Variants in SPRYD7 observed in about 807,000 individuals in gnomAD.
SPRYD7 encodes the protein SPRY domain containing 7.
Under a neutral mutation model 23.8 loss-of-function variants are expected in SPRYD7, and 14 were observed. The observed-to-expected ratio is 0.59, with a 90% CI of 0.39 to 0.92. The LOEUF is 0.92. SPRYD7 is among the 40% of genes least tolerant of loss of function. The probability of loss-of-function intolerance (pLI) is 0.00; values close to 1 mark genes in which losing one functional copy is unlikely to be tolerated. For synonymous variants in SPRYD7, 75 were observed against 84.9 expected (o/e 0.88, Z 0.64); for missense variants, 194 against 241.7 (o/e 0.80, Z 1.31).
In SPRYD7 at chr13:49,931,034, G is replaced by T. The variant is rs1157922959; in HGVS notation, c.207C>A (p.Phe69Leu). Reference sequence around the variant, plus strand: ...TATACCAACCTGTGGACTGGATTTTGAATTCAAAATAGCTTTTGTTTTGAT... The same window carrying T: ...TATACCAACCTGTGGACTGGATTTTTAATTCAAAATAGCTTTTGTTTTGAT... ...PLHQNKSYFEFKIQSTGIWGI... is the reference protein window; with the variant it reads ...PLHQNKSYFELKIQSTGIWGI... Residue 69 changes from phenylalanine (F) to leucine (L), a missense_variant, in exon 2 of 5, where the codon TTC becomes TTA. Physicochemically the swap from Phe to Leu is conservative, Grantham distance 22. Transcript: ENST00000361840. 3.1e-6 allele frequency: 5 copies of T among 1,610,930 alleles called. No homozygotes were observed. The highest frequency in any genetic ancestry group is 1.1e-5 in the South Asian group (1 of 90,660).
intron 3 of SPRYD7, among the ~76,000 whole-genome samples, chr13:49,922,627 A>C (rs913796652): frequency 1.2e-4 from 19 of 152,224 alleles, no homozygotes; most frequent in Non-Finnish European, 1.8e-4. Flanking sequence ...ACTTGCTCTT[A>C]ATCACCATAT....
At chr13:49,919,126 T>C (rs1206996524) in intron 4 of SPRYD7, among the ~76,000 whole-genome samples, 1 of 151,736 alleles carries the variant, frequency 6.6e-6, no homozygotes, top group Non-Finnish European at 1.5e-5. Flanking sequence ...AAGTTGATAA[T>C]ACAAAATAGG....
chr13:49,925,509 T>C (rs992260618), intron 3 of SPRYD7, among the ~76,000 whole-genome samples: 3 of 151,208 alleles, frequency 2.0e-5, no homozygotes, highest in African/African-American at 7.3e-5. Context: ...TTTTCAGAAT[T>C]ATATGTATAA....
intron 1 of SPRYD7, among the ~76,000 whole-genome samples, chr13:49,933,475 G>A (rs934524602): frequency 6.6e-6 from 1 of 151,954 alleles, no homozygotes; most frequent in African/African-American, 2.4e-5. Flanking sequence ...GGTGGTGGGC[G>A]CCTATAGTCC....
chr13:49,918,210 G>A (rs1180701269), intron 4 of SPRYD7, among the ~76,000 whole-genome samples: 6 of 151,930 alleles, frequency 3.9e-5, no homozygotes, highest in African/African-American at 9.7e-5. Context: ...CTACAGGCAC[G>A]TACAACCACA....
At position 49,928,029 on chromosome 13, in the gene SPRYD7, C is replaced by A; in HGVS notation, c.280G>T (p.Gly94Cys). The A allele has an allele frequency of 6.2e-7, 1 of 1,614,058 alleles. No individual in the cohort carries two copies. The highest frequency in any genetic ancestry group is 8.5e-7 in the Non-Finnish European group (1 of 1,179,978). The change falls in exon 3 of 5, where the codon GGC becomes TGC. Residue 94 changes from glycine to cysteine, a missense_variant. By Grantham distance (159) the Gly-to-Cys change is radical. Transcript: ENST00000361840. ...QKVNLNQIPL[G>C]RDMHSLVMRN... ...ATCACCAGACTGTGCATATCTCGGC[C>A]AAGAGGAATCTGATTCAAGTTAACC...
chr13:49,932,775 T>C (rs1871440680), intron 1 of SPRYD7, among the ~76,000 whole-genome samples: 2 of 152,208 alleles, frequency 1.3e-5, no homozygotes, highest in African/African-American at 2.4e-5. Flanking sequence ...AATTTTCAGA[T>C]TCTAACACAA....
At chr13:49,932,065 T>A (rs1439088695) in intron 1 of SPRYD7, among the ~76,000 whole-genome samples, 2 of 152,248 alleles carry the variant, frequency 1.3e-5, no homozygotes, top group Non-Finnish European at 2.9e-5. Context: ...GATGATTTCA[T>A]AAATTTCTTA....
At chr13:49,925,338 G>A (rs1036620425) in intron 3 of SPRYD7, among the ~76,000 whole-genome samples, 3 of 152,152 alleles carry the variant, frequency 2.0e-5, no homozygotes, top group African/African-American at 7.2e-5. Flanking sequence ...GTTGCAGTGA[G>A]CCGAGATGGC....
At chr13:49,922,827 A>AC (rs34348683) in intron 3 of SPRYD7, among the ~76,000 whole-genome samples, 122,510 of 151,384 alleles carry the variant, frequency 0.81, 50,666 homozygotes, top group Non-Finnish European at 0.91. Flanking sequence ...AAAAAAAAAA[A>AC]ATTTTATAGA....
In SPRYD7 at chr13:49,913,613, C is replaced by T. The variant is rs1001996147; in HGVS notation, c.*1450G>A. On this transcript the variant is annotated 3_prime_UTR_variant, in exon 5 of 5. Transcript: ENST00000361840. The stretch of plus-strand genomic sequence containing the variant: ...TCTCGGCTCACTGCAAGCGCCGTCT[C>T]CCGGGTTCAAGCCATTCTCCTGCCT... 6.6e-6 allele frequency: 1 copy of T among 151,940 alleles called. No individual in the cohort carries two copies. The highest frequency in any genetic ancestry group is 2.4e-5 in the African/African-American group (1 of 41,360). The allele number at this position is 151,940 out of a possible 1,614,324, so 9.4% of individuals were successfully genotyped here. A position where few individuals can be genotyped will look rare whatever the true frequency, so the allele number is the denominator to read the frequency against.
At position 49,931,131 on chromosome 13, in the gene SPRYD7, G is replaced by A; in HGVS notation, c.110C>T (p.Thr37Ile). ...AVQLDTQHMG[T>I]DVVIVKNGRR... ...TCCATTCTTTACAATAACAACATCT[G>A]TTCCTAAACAAAAAATGCAGACACT... The change falls in exon 2 of 5, where the codon ACA (threonine) becomes ATA (isoleucine). Residue 37 changes from threonine to isoleucine, a missense_variant. Physicochemically the swap from Thr to Ile is moderately conservative, Grantham distance 89 (BLOSUM62 -1). Coordinates refer to ENST00000361840, the MANE Select transcript of SPRYD7 (RefSeq NM_020456.4). 1 of 1,586,438 alleles carries A rather than the reference G, an allele frequency of 6.3e-7. No individual in the cohort carries two copies. Among genetic ancestry groups the A allele is most frequent in the East Asian group, 2.2e-5 (1 of 44,642 alleles).
rs182448716 is a variant in SPRYD7, at chr13:49,920,385, T to C, written c.493+1093A>G. On this transcript the variant is annotated intron_variant, in intron 4 of 4. Transcript: ENST00000361840. ...TTGTAAGGGTTATTAATGTACAGTC[T>C]ACATAAAATTCCCATCTCTAATTCC... is the stretch of plus-strand genomic sequence containing the variant. Among the ~76,000 whole-genome samples the C allele has an allele frequency of 2.0e-5, 3 of 152,364 alleles. No individual in the cohort carries two copies. In the East Asian group the frequency reaches 5.8e-4, roughly 29 times the overall value.
At chr13:49,927,251 T>C (rs1350700358) in intron 3 of SPRYD7, among the ~76,000 whole-genome samples, 1 of 152,074 alleles carries the variant, frequency 6.6e-6, no homozygotes, top group Non-Finnish European at 1.5e-5. Context: ...TCCCAGCACT[T>C]TGGGAGGCCG....
chr13:49,915,874 A>G (rs1301585800), intron 4 of SPRYD7, among the ~76,000 whole-genome samples: 3 of 152,258 alleles, frequency 2.0e-5, no homozygotes, highest in Non-Finnish European at 4.4e-5. Flanking sequence ...AAACTGATGA[A>G]TTATTGATAT....
intron 2 of SPRYD7, 76 bp from the exon 3 acceptor site, chr13:49,928,161 A>G (rs1395408803): frequency 8.9e-6 from 12 of 1,344,802 alleles, no homozygotes; most frequent in Non-Finnish European, 1.2e-5. Flanking sequence ...GGGAGTATAA[A>G]CTTTTTAAAG....
intron 4 of SPRYD7, among the ~76,000 whole-genome samples, chr13:49,918,890 A>C (rs1257496233): frequency 6.8e-6 from 1 of 147,876 alleles, no homozygotes; most frequent in African/African-American, 2.5e-5. Context: ...AATTTTTTGT[A>C]TTTTTAGTAG....
chr13:49,933,520 T>C (rs1330504806), intron 1 of SPRYD7, among the ~76,000 whole-genome samples: 2 of 150,594 alleles, frequency 1.3e-5, no homozygotes, highest in Non-Finnish European at 2.9e-5. Flanking sequence ...GAGAATTAAT[T>C]GAACCCAGGA....
At chr13:49,934,385 T>C (rs1048138642) in intron 1 of SPRYD7, among the ~76,000 whole-genome samples, 3 of 151,482 alleles carry the variant, frequency 2.0e-5, no homozygotes, top group Admixed American at 2.0e-4. Flanking sequence ...TGAAACTCTG[T>C]CTCTACTAAA....
Sources: allele counts gnomAD v4.1 joint callset (sites outside exome capture counted in the v4.1 genomes callset), GRCh38; gene constraint gnomAD v4.1.1; transcripts MANE v1.5; gene names NCBI Gene and HGNC (gene_info 2026-07-23, HGNC 2026-07-21).